Variants in TMEM135 observed in about 807,000 individuals in gnomAD.
TMEM135 encodes transmembrane protein 135, also known as peroxisomal membrane protein 52.
Under a neutral mutation model 60.3 loss-of-function variants are expected in TMEM135, and 30 were observed. That is an observed-to-expected ratio of 0.50 (90% confidence interval 0.37 to 0.68). The LOEUF is 0.68. Among genes scored for constraint, TMEM135 ranks in the 30% least tolerant of loss-of-function variants. TMEM135 has a pLI of 0.00. For missense variants in TMEM135, 468 were observed against 548.8 expected, an observed-to-expected ratio of 0.85 and a Z score of 1.47; for synonymous variants, 190 against 186.7, an observed-to-expected ratio of 1.02 and a Z score of -0.14.
At chr11:87,291,832 C>T (rs1298727016) in intron 6 of TMEM135, among the ~76,000 whole-genome samples, 5 of 152,056 alleles carry the variant, frequency 3.3e-5, no homozygotes, top group African/African-American at 4.8e-5. Flanking sequence ...CGTGAGCCAC[C>T]GTCCCCGGCC....
At chr11:87,188,531 C>T (rs1192698066) in intron 5 of TMEM135, among the ~76,000 whole-genome samples, 6 of 151,650 alleles carry the variant, frequency 4.0e-5, no homozygotes, top group South Asian at 2.1e-4. Flanking sequence ...ATGAAACCCC[C>T]CCTCTCCACT....
chr11:87,262,066 GT>G (rs1941662920), intron 6 of TMEM135, among the ~76,000 whole-genome samples: 1 of 152,002 alleles, frequency 6.6e-6, no homozygotes, highest in African/African-American at 2.4e-5. Context: ...TATCCTCATT[GT>G]TTTTAGGGGC....
At chr11:87,161,541 G>C (rs1288138048) in intron 5 of TMEM135, among the ~76,000 whole-genome samples, 1 of 152,082 alleles carries the variant, frequency 6.6e-6, no homozygotes. Context: ...AGAGAACAAA[G>C]TTTAACAATT....
intron 5 of TMEM135, among the ~76,000 whole-genome samples, chr11:87,194,937 A>C (rs1207650644): frequency 6.6e-6 from 1 of 152,220 alleles, no homozygotes; most frequent in Non-Finnish European, 1.5e-5. Flanking sequence ...TGATGCATAT[A>C]TGTTACTTAA....
intron 4 of TMEM135, among the ~76,000 whole-genome samples, chr11:87,113,606 T>C (rs559738260): frequency 1.3e-5 from 2 of 152,026 alleles, no homozygotes; most frequent in African/African-American, 4.8e-5. Context: ...CATGGAAGAG[T>C]GGAAAGAAAA....
At chr11:87,224,191 T>C (rs1287444131) in intron 5 of TMEM135, among the ~76,000 whole-genome samples, 2 of 152,188 alleles carry the variant, frequency 1.3e-5, no homozygotes, top group Admixed American at 1.3e-4. Context: ...GTCCTACTTG[T>C]TGTTGATGGG....
chr11:87,149,203 T>C (rs1000930058), intron 4 of TMEM135, among the ~76,000 whole-genome samples: 1 of 152,226 alleles, frequency 6.6e-6, no homozygotes, highest in Non-Finnish European at 1.5e-5. Flanking sequence ...TCTTGACAAC[T>C]TCTAAACTGA....
At chr11:87,230,514 G>A (rs1002709667) in intron 5 of TMEM135, among the ~76,000 whole-genome samples, 7 of 151,936 alleles carry the variant, frequency 4.6e-5, no homozygotes, top group Admixed American at 4.6e-4. Flanking sequence ...AAATCCTTAT[G>A]GCATATGTAA....
At chr11:87,215,334 G>A (rs990692694) in intron 5 of TMEM135, among the ~76,000 whole-genome samples, 1 of 152,152 alleles carries the variant, frequency 6.6e-6, no homozygotes, top group Non-Finnish European at 1.5e-5. Context: ...AACAGTGACA[G>A]TTTTATTTGC....
chr11:87,283,637 A>C (rs1012659736), intron 6 of TMEM135, among the ~76,000 whole-genome samples: 1 of 152,176 alleles, frequency 6.6e-6, no homozygotes, highest in African/African-American at 2.4e-5. Flanking sequence ...AGGCAGGTGG[A>C]TCATGCAGCC....
intron 4 of TMEM135, among the ~76,000 whole-genome samples, chr11:87,105,107 T>C (rs903654189): frequency 3.0e-4 from 45 of 152,272 alleles, no homozygotes; most frequent in Non-Finnish European, 4.9e-4. Context: ...CCTAATTTGT[T>C]GAGAGTTTTA....
chr11:87,140,762 C>G (rs893081405), intron 4 of TMEM135, among the ~76,000 whole-genome samples: 1 of 152,148 alleles, frequency 6.6e-6, no homozygotes, highest in Non-Finnish European at 1.5e-5. Flanking sequence ...ATGTTTTGAG[C>G]TCTAACATTT....
chr11:87,043,746 A>C (rs1046135559), intron 1 of TMEM135, among the ~76,000 whole-genome samples: 1 of 151,978 alleles, frequency 6.6e-6, no homozygotes, highest in African/African-American at 2.4e-5. Flanking sequence ...AACAAACAAA[A>C]AAAACTGTTT....
chr11:87,191,139 G>A (rs1286349348), intron 5 of TMEM135, among the ~76,000 whole-genome samples: 2 of 152,004 alleles, frequency 1.3e-5, no homozygotes, highest in Non-Finnish European at 2.9e-5. Flanking sequence ...AGTTTGCTTC[G>A]TCCTTATGTC....
chr11:87,295,744 ATATGT>A, intron 6 of TMEM135, 33 bp from the exon 7 acceptor site: 1 of 1,553,982 alleles, frequency 6.4e-7, no homozygotes, highest in Non-Finnish European at 8.8e-7. Flanking sequence ...GTATCTCAAA[ATATGT>A]TATTTTATGA....
At chr11:87,317,572 G>C (rs757846187) in intron 12 of TMEM135, among the ~76,000 whole-genome samples, 1 of 151,980 alleles carries the variant, frequency 6.6e-6, no homozygotes, top group Non-Finnish European at 1.5e-5. Context: ...TATAGATCTT[G>C]AGGATTCTTT....
intron 5 of TMEM135, among the ~76,000 whole-genome samples, chr11:87,218,697 C>T (rs1940554264): frequency 1.3e-5 from 2 of 152,150 alleles, no homozygotes; most frequent in African/African-American, 4.8e-5. Context: ...CGCGGTGGCT[C>T]ATGCCTGTAA....
chr11:87,102,103 T>C (rs1857471500), intron 4 of TMEM135, among the ~76,000 whole-genome samples: 1 of 152,240 alleles, frequency 6.6e-6, no homozygotes, highest in Non-Finnish European at 1.5e-5. Context: ...TAGTGTCCTC[T>C]AATTCAATTT....
At chr11:87,308,215 C>T (rs951632817) in intron 9 of TMEM135, among the ~76,000 whole-genome samples, 16 of 152,142 alleles carry the variant, frequency 1.1e-4, no homozygotes, top group African/African-American at 3.6e-4. Flanking sequence ...TGGCAGATAA[C>T]AGGCATTCAG....
Sources: allele counts gnomAD v4.1 joint callset (sites outside exome capture counted in the v4.1 genomes callset), GRCh38; gene constraint gnomAD v4.1.1; transcripts MANE v1.5; gene names NCBI Gene and HGNC (gene_info 2026-07-23, HGNC 2026-07-21).